The following POLK variants were observed in gnomAD, a reference collection of about 807,000 sequenced individuals.
The protein encoded by POLK is polymerase (DNA directed) kappa.
Under a neutral mutation model 94.0 loss-of-function variants are expected in POLK, and 76 were observed. That is an observed-to-expected ratio of 0.81 (90% CI 0.67 to 0.98). The LOEUF (loss-of-function observed/expected upper bound fraction) is 0.98, where lower values mean the gene tolerates loss of function less well. Ranked by LOEUF, POLK falls within the 50% of genes least tolerant of loss-of-function variation. POLK has a pLI of 0.00. For synonymous variants in POLK, 349 were observed against 325.4 expected, an observed-to-expected ratio of 1.07 and a Z score of -0.78; for missense variants, 954 against 1,010.1, an observed-to-expected ratio of 0.94 and a Z score of 0.75.
chr5:75,584,852 T>G (rs1312641575), exon 9 of POLK: 1 of 1,605,094 alleles, frequency 6.2e-7, no homozygotes, highest in South Asian at 1.1e-5. Context: ...CATTGCTTTC[T>G]CTCCTTTTCT....
rs183034006 is a variant in POLK, at chr5:75,565,690, C to T, written c.256-3650C>T. On this transcript the variant is annotated intron_variant, in intron 3 of 14. Transcript: ENST00000241436. ...GGAGGTCTACTCCAGACCCTGTTTG[C>T]CTGGGTATCACCAGTGGAGGCTGCA... 2.2e-3 allele frequency among the ~76,000 whole-genome samples: 335 copies of T among 152,278 alleles called. 2 individuals carry two copies. The highest frequency in any genetic ancestry group is 7.5e-3 in the Admixed American group (115 of 15,300).
intron 12 of POLK, among the ~76,000 whole-genome samples, chr5:75,595,850 A>T (rs1473284243): frequency 1.3e-5 from 2 of 152,002 alleles, no homozygotes; most frequent in Non-Finnish European, 2.9e-5. Context: ...TTGGGAACTC[A>T]TTGTACCTTC....
intron 1 of POLK, among the ~76,000 whole-genome samples, chr5:75,531,816 T>C (rs1040182522): frequency 1.3e-5 from 2 of 151,888 alleles, no homozygotes; most frequent in African/African-American, 4.8e-5. Context: ...GAAAGTAAGC[T>C]GTAAACTTAT....
At chr5:75,511,131 C>G (rs753994591), upstream of POLK, 16 of 1,598,540 alleles carry the variant, frequency 1.0e-5, no homozygotes, top group African/African-American at 1.3e-5. Flanking sequence ...GACCCCGCAG[C>G]GCTCCACAGG....
chr5:75,563,527 G>A (rs1771102392), intron 3 of POLK, among the ~76,000 whole-genome samples: 1 of 151,916 alleles, frequency 6.6e-6, no homozygotes, highest in Non-Finnish European at 1.5e-5. Context: ...TTCTCCTATG[G>A]GCATTTAGTG....
At chr5:75,541,714 AAAT>A (rs1419425447) in intron 1 of POLK, among the ~76,000 whole-genome samples, 1 of 152,212 alleles carries the variant, frequency 6.6e-6, no homozygotes, top group African/African-American at 2.4e-5. Context: ...ATCCAGTCTA[AAAT>A]AATTTTTAAA....
exon 13 of POLK, chr5:75,597,022 C>T (rs767306770): frequency 1.9e-6 from 3 of 1,613,740 alleles, no homozygotes; most frequent in South Asian, 1.1e-5. Context: ...AGGCCAAGCT[C>T]TAGTTTGTCC....
the POLK span, chr5:75,609,962 GAATA>G: frequency 2.0e-5 from 3 of 152,264 alleles, no homozygotes; most frequent in African/African-American, 7.2e-5. Flanking sequence ...TTTGTAAGAA[GAATA>G]AATAAATGAA....
rs766765952 is a variant in POLK, at chr5:75,583,436, GTTTA to G, written c.1059+25_1059+28del. On this transcript the variant is annotated intron_variant, in intron 8 of 14. Transcript: ENST00000241436. ...TAGAAAGGTAAGATTTTTACATAAA[GTTTA>G]TTTATATATGTACTCTGAATTCTGA... 1.3e-6 allele frequency: 2 copies of G among 1,512,840 alleles called. No homozygotes were observed. The highest frequency in any genetic ancestry group is 9.1e-7 in the Non-Finnish European group (1 of 1,094,348). 93.7% of individuals were successfully genotyped at this position (1,512,840 alleles called of 1,614,324 possible). A position where few individuals can be genotyped will look rare whatever the true frequency, so the allele number is the denominator to read the frequency against.
intron 3 of POLK, among the ~76,000 whole-genome samples, chr5:75,557,454 A>G (rs957713196): frequency 1.3e-5 from 2 of 152,220 alleles, no homozygotes; most frequent in Admixed American, 1.3e-4. Flanking sequence ...CTTCCTGTTC[A>G]TGAACATGGA....
chr5:75,543,985 C>A (rs557984404), intron 1 of POLK, among the ~76,000 whole-genome samples: 81 of 152,062 alleles, frequency 5.3e-4, no homozygotes, highest in African/African-American at 1.9e-3. Context: ...AGGTGCGCAT[C>A]ACTACACCTG....
rs1239736271 is a variant in POLK, at chr5:75,542,721, G to A, written c.-13-4289G>A. Among the ~76,000 whole-genome samples, 12 of 145,558 alleles carry A rather than the reference G, an allele frequency of 8.2e-5. No homozygotes were observed. The East Asian group carries it at 9.9e-4, about 12-fold the overall frequency. On this transcript the variant is annotated intron_variant, in intron 1 of 14. Coordinates refer to ENST00000241436, the Ensembl canonical transcript of POLK. Reference sequence around the variant, plus strand: ...TATATATGTATTTTTTTTTTGAGGCGGAGTCTTACTCTGTCGCCCAGGCTG... The same window carrying A: ...TATATATGTATTTTTTTTTTGAGGCAGAGTCTTACTCTGTCGCCCAGGCTG...
rs141472822 is a variant in POLK, at chr5:75,518,593, T to C, written c.-14+6679T>C. On this transcript the variant is annotated intron_variant, in intron 1 of 14. Transcript: ENST00000241436. The stretch of plus-strand genomic sequence containing the variant: ...AAAACAACTTTTGTTGACCTGTATT[T>C]TTTTAGTCTCAATTTTATTTACTGC... 1.3e-3 allele frequency among the ~76,000 whole-genome samples: 202 copies of C among 152,328 alleles called. 2 individuals carry two copies. The highest frequency in any genetic ancestry group is 4.6e-3 in the African/African-American group (193 of 41,590).
intron 1 of POLK, among the ~76,000 whole-genome samples, chr5:75,515,355 TA>T: frequency 6.6e-6 from 1 of 152,370 alleles, no homozygotes; most frequent in Admixed American, 6.5e-5. Context: ...CCCAAATTTT[TA>T]TTCCATATAT....
intron 3 of POLK, among the ~76,000 whole-genome samples, chr5:75,557,610 C>T (rs1487862610): frequency 6.6e-6 from 1 of 152,160 alleles, no homozygotes; most frequent in Admixed American, 6.5e-5. Context: ...AGATAAACCC[C>T]TCATAAAGTT....
At chr5:75,529,002 T>C (rs962937141) in intron 1 of POLK, among the ~76,000 whole-genome samples, 2 of 152,220 alleles carry the variant, frequency 1.3e-5, no homozygotes, top group Non-Finnish European at 2.9e-5. Context: ...ACATATAACC[T>C]TTATATAGTA....
chr5:75,513,038 C>G (rs1385308310), intron 1 of POLK: 2 of 152,196 alleles, frequency 1.3e-5, no homozygotes, highest in African/African-American at 2.4e-5. Context: ...GGTTTCAAAT[C>G]TAGGCTTGAT....
exon 1 of POLK, chr5:75,511,860 G>T (rs370816842): frequency 1.2e-5 from 19 of 1,533,324 alleles, no homozygotes; most frequent in Non-Finnish European, 1.6e-5. Flanking sequence ...GAAGGGCGTT[G>T]GTCCGTCGCT....
chr5:75,608,554 C>T, the POLK span, among the ~76,000 whole-genome samples: 1 of 152,080 alleles, frequency 6.6e-6, no homozygotes, highest in Non-Finnish European at 1.5e-5. Flanking sequence ...TGGAAACCGA[C>T]ACTAAACAAA....
Sources: gnomAD v4.1 joint callset for allele counts (sites outside exome capture counted in the v4.1 genomes callset) on GRCh38, gnomAD v4.1.1 for gene constraint, MANE v1.5 for transcripts, NCBI Gene and HGNC (gene_info 2026-07-23, HGNC 2026-07-21) for gene names.